The following EPHA7 variants were observed in gnomAD, a reference collection of about 807,000 sequenced individuals.
The protein encoded by EPHA7 is EPH receptor A7, also known as ephrin type-A receptor 7.
EPHA7 carries 25 observed loss-of-function variants against 112.6 expected under a neutral mutation model. That is an observed-to-expected ratio of 0.22 (90% CI 0.16 to 0.31). The LOEUF is 0.31. Ranked by LOEUF, EPHA7 falls within the 10% of genes least tolerant of loss-of-function variation. The pLI, the probability that EPHA7 is intolerant of heterozygous loss-of-function variation, is 1.00. For missense variants in EPHA7, 962 were observed against 1,212.6 expected (o/e 0.79, Z 3.07); for synonymous variants, 437 against 406.5 (o/e 1.07, Z -0.90).
rs1562207824 is a variant in EPHA7, at chr6:93,242,716, C to CA, written c.*709dup. The CA allele has an allele frequency of 4.6e-6, 1 of 217,008 alleles. No individual in the cohort carries two copies. Among genetic ancestry groups the CA allele is most frequent in the African/African-American group, 2.3e-5 (1 of 44,444 alleles). The allele number at this position is 217,008 out of a possible 1,614,324, so 13.4% of individuals were successfully genotyped here. A position where few individuals can be genotyped will look rare whatever the true frequency, so the allele number is the denominator to read the frequency against. The stretch of plus-strand genomic sequence containing the variant: ...AAGATAGTGTGTTGTCTGATCTTTA[C>CA]AAAAAAATTCTTTTTAAAAAATATC... On this transcript the variant is annotated 3_prime_UTR_variant, in exon 17 of 17. Coordinates refer to ENST00000369303, the MANE Select transcript of EPHA7 (RefSeq NM_004440.4).
chr6:93,270,370 CATT>C (rs779397030), intron 6 of EPHA7, among the ~76,000 whole-genome samples: 7 of 151,180 alleles, frequency 4.6e-5, no homozygotes, highest in Non-Finnish European at 8.9e-5. Flanking sequence ...TTTATCCTAT[CATT>C]ATCAAACATA....
chr6:93,399,717 C>T (rs1026458107), intron 3 of EPHA7, among the ~76,000 whole-genome samples: 8 of 151,716 alleles, frequency 5.3e-5, no homozygotes, highest in Non-Finnish European at 1.0e-4. Context: ...TTTATATATG[C>T]GTGCTTTTGG....
In EPHA7 at chr6:93,392,345, T is replaced by A. The variant is rs147417406; in HGVS notation, c.832+18156A>T. On this transcript the variant is annotated intron_variant, in intron 3 of 16. Coordinates refer to ENST00000369303, the MANE Select transcript of EPHA7 (RefSeq NM_004440.4). ...TCAAAGGGATGGTTACCTTTTCAGT[T>A]GTCCTGACTGCTTTCGCCTGGCTGC... Among the ~76,000 whole-genome samples the A allele has an allele frequency of 2.5e-3, 375 of 152,000 alleles. 2 individuals are homozygous for A. The highest frequency in any genetic ancestry group is 7.8e-3 in the African/African-American group (323 of 41,532).
intron 5 of EPHA7, among the ~76,000 whole-genome samples, chr6:93,337,524 T>A (rs566143414): frequency 6.6e-6 from 1 of 152,236 alleles, no homozygotes; most frequent in East Asian, 1.9e-4. Context: ...GGAAAGAAAA[T>A]CTATTTTCAA....
intron 5 of EPHA7, among the ~76,000 whole-genome samples, chr6:93,313,681 G>C (rs1012201726): frequency 6.6e-6 from 1 of 151,656 alleles, no homozygotes; most frequent in African/African-American, 2.4e-5. Flanking sequence ...TATGATTTCT[G>C]ATTTAAAAAA....
At chr6:93,338,086 T>C (rs1269311955) in intron 5 of EPHA7, among the ~76,000 whole-genome samples, 1 of 151,944 alleles carries the variant, frequency 6.6e-6, no homozygotes, top group African/African-American at 2.4e-5. Context: ...AAGAATATCA[T>C]CATGTTGCCC....
chr6:93,414,309 G>A (rs892317897), intron 2 of EPHA7, among the ~76,000 whole-genome samples: 3 of 151,844 alleles, frequency 2.0e-5, no homozygotes, highest in Non-Finnish European at 4.4e-5. Context: ...TAGGAAAACA[G>A]ATTGATTACA....
At chr6:93,340,691 T>G (rs1017066311) in intron 5 of EPHA7, among the ~76,000 whole-genome samples, 2 of 151,950 alleles carry the variant, frequency 1.3e-5, no homozygotes, top group African/African-American at 4.8e-5. Flanking sequence ...AATTGAAGAT[T>G]TATTTCTAAA....
In EPHA7 at chr6:93,240,955, G is replaced by A. The variant is rs1769664703; in HGVS notation, c.*2471C>T. The A allele has an allele frequency of 4.7e-6, 1 of 213,068 alleles. No individual in the cohort carries two copies. Among genetic ancestry groups the A allele is most frequent in the Non-Finnish European group, 9.5e-6 (1 of 105,234 alleles). The allele number at this position is 213,068 out of a possible 1,614,324, so 13.2% of individuals were successfully genotyped here. A position where few individuals can be genotyped will look rare whatever the true frequency, so the allele number is the denominator to read the frequency against. The stretch of plus-strand genomic sequence containing the variant: ...GTGATGTAATCATACACTTCCTATT[G>A]TGCTGTGTGTCTTTCCCATCCCTTC... On this transcript the variant is annotated 3_prime_UTR_variant, in exon 17 of 17. Transcript: ENST00000369303.
intron 5 of EPHA7, among the ~76,000 whole-genome samples, chr6:93,347,382 T>C (rs1775453818): frequency 6.6e-6 from 1 of 151,854 alleles, no homozygotes; most frequent in South Asian, 2.1e-4. Flanking sequence ...TTACTATTGG[T>C]CATTTTCTGC....
At chr6:93,306,478 C>T (rs1227380289) in intron 5 of EPHA7, among the ~76,000 whole-genome samples, 1 of 151,914 alleles carries the variant, frequency 6.6e-6, no homozygotes, top group African/African-American at 2.4e-5. Context: ...GTGCATGGCA[C>T]AGTATGATGG....
chr6:93,404,955 A>G (rs1778623673), intron 3 of EPHA7, among the ~76,000 whole-genome samples: 1 of 151,928 alleles, frequency 6.6e-6, no homozygotes, highest in Non-Finnish European at 1.5e-5. Flanking sequence ...GTTTATACAT[A>G]AACAAACTTA....
chr6:93,338,427 G>A, intron 5 of EPHA7, among the ~76,000 whole-genome samples: 1 of 152,058 alleles, frequency 6.6e-6, no homozygotes, highest in Non-Finnish European at 1.5e-5. Flanking sequence ...CAAAGTTACA[G>A]AGGGATATTC....
chr6:93,409,153 T>C (rs1156604432), intron 3 of EPHA7, among the ~76,000 whole-genome samples: 1 of 152,044 alleles, frequency 6.6e-6, no homozygotes, highest in Non-Finnish European at 1.5e-5. Flanking sequence ...TTAAAAATAT[T>C]CTACTAGAAT....
chr6:93,353,623 C>A (rs1229759678), intron 5 of EPHA7, among the ~76,000 whole-genome samples: 1 of 152,128 alleles, frequency 6.6e-6, no homozygotes, highest in Non-Finnish European at 1.5e-5. Context: ...AATTGGCATT[C>A]ATTTTGCTAT....
intron 5 of EPHA7, 144 bp downstream of exon 5, chr6:93,356,573 G>A: frequency 5.4e-6 from 4 of 737,792 alleles, no homozygotes; most frequent in Non-Finnish European, 6.5e-6. Flanking sequence ...GGTGTAACAA[G>A]CAACAGGAAA....
At chr6:93,335,549 G>A (rs1774823311) in intron 5 of EPHA7, among the ~76,000 whole-genome samples, 1 of 152,032 alleles carries the variant, frequency 6.6e-6, no homozygotes, top group South Asian at 2.1e-4. Flanking sequence ...TGTTTTAGAA[G>A]GGAGACCACC....
At position 93,292,077 on chromosome 6, in the gene EPHA7, T is replaced by A. The variant is rs150222777; in HGVS notation, c.1325-19655A>T. 2.6e-5 allele frequency among the ~76,000 whole-genome samples: 4 copies of A among 152,204 alleles called. No homozygotes were observed. In the East Asian group the frequency reaches 7.8e-4, roughly 30 times the overall value. ...GGTACTGTCTCATAAGCATATATAG[T>A]TAACTACAGTAAACAGAAAGTGTAT... is the stretch of plus-strand genomic sequence containing the variant. On this transcript the variant is annotated intron_variant, in intron 5 of 16. Transcript: ENST00000369303.
chr6:93,308,801 A>G (rs1773386880), intron 5 of EPHA7, among the ~76,000 whole-genome samples: 1 of 152,110 alleles, frequency 6.6e-6, no homozygotes, highest in Admixed American at 6.5e-5. Flanking sequence ...CCACATTTTT[A>G]AAGGCATCAT....
Sources: allele counts gnomAD v4.1 joint callset (sites outside exome capture counted in the v4.1 genomes callset), GRCh38; gene constraint gnomAD v4.1.1; transcripts MANE v1.5; gene names NCBI Gene and HGNC (gene_info 2026-07-23, HGNC 2026-07-21).